SLC22A15: variants seen among roughly 807,000 people sequenced by gnomAD.
SLC22A15 encodes the protein solute carrier family 22 member 15, also known as flipt 1.
Under a neutral mutation model 62.7 loss-of-function variants are expected in SLC22A15, and 45 were observed. The observed-to-expected ratio is 0.72, with a 90% CI of 0.56 to 0.92. The LOEUF (loss-of-function observed/expected upper bound fraction) is 0.92. Ranked by LOEUF, SLC22A15 falls within the 40% of genes least tolerant of loss-of-function variation. The pLI is 0.00. For synonymous variants in SLC22A15, 264 were observed against 267.0 expected, an observed-to-expected ratio of 0.99 and a Z score of 0.11; for missense variants, 622 against 665.6, an observed-to-expected ratio of 0.93 and a Z score of 0.72.
In SLC22A15 at chr1:115,992,163, G is replaced by T. The variant is rs1003764093; in HGVS notation, c.220G>T (p.Asp74Tyr). The T allele has an allele frequency of 1.9e-6, 3 of 1,612,756 alleles. No individual in the cohort carries two copies. The highest frequency in any genetic ancestry group is 1.3e-5 in the African/African-American group (1 of 74,914). Reference protein sequence around the residue: ...QSAGEDQAFGDWLLTANGSEI... With the variant: ...QSAGEDQAFGYWLLTANGSEI... ...AGCTGGTGAAGACCAGGCCTTTGGG[G>T]ACTGGCTCCTGACAGCCAACGGCAG... Residue 74 changes from aspartate (D) to tyrosine (Y), a missense_variant, in exon 2 of 12, where the codon GAC (aspartate) becomes TAC (tyrosine). Physicochemically the swap from Asp to Tyr is radical, Grantham distance 160. Coordinates refer to ENST00000369503, the MANE Select transcript of SLC22A15 (RefSeq NM_018420.3).
chr1:115,992,179 C>T lies in SLC22A15; in HGVS notation c.236C>T (p.Ala79Val). 1.2e-6 allele frequency: 2 copies of T among 1,611,358 alleles called. No individual in the cohort carries two copies. The highest frequency in any genetic ancestry group is 1.7e-6 in the Non-Finnish European group (2 of 1,178,690). ...GCCTTTGGGGACTGGCTCCTGACAG[C>T]CAACGGCAGTGAGATCCATAAGCAC... Reference protein sequence around the residue: ...DQAFGDWLLTANGSEIHKHVH... With the variant: ...DQAFGDWLLTVNGSEIHKHVH... Residue 79 changes from alanine to valine, a missense_variant, in exon 2 of 12, where the codon GCC becomes GTC. By Grantham distance (64) the Ala-to-Val change is moderately conservative. Transcript: ENST00000369503.
At chr1:116,057,483 G>T (rs1300204739) in intron 8 of SLC22A15, among the ~76,000 whole-genome samples, 1 of 152,126 alleles carries the variant, frequency 6.6e-6, no homozygotes, top group African/African-American at 2.4e-5. Flanking sequence ...TTCAACCATT[G>T]TGGAAGTCAG....
intron 2 of SLC22A15, among the ~76,000 whole-genome samples, chr1:116,006,919 C>G (rs1342412547): frequency 6.6e-6 from 1 of 152,024 alleles, no homozygotes; most frequent in Non-Finnish European, 1.5e-5. Flanking sequence ...CTTCCTCACC[C>G]TGTCTCCCTC....
At chr1:115,987,950 G>C (rs1175917677) in intron 1 of SLC22A15, among the ~76,000 whole-genome samples, 5 of 152,110 alleles carry the variant, frequency 3.3e-5, no homozygotes, top group African/African-American at 1.2e-4. Flanking sequence ...TAATTTATAG[G>C]AGACTTTTTT....
Position 116,068,311 on chromosome 1 carries a change from A to G in SLC22A15, c.*1203A>G, listed in dbSNP as rs1377866486. The G allele has an allele frequency of 6.6e-6, 1 of 152,668 alleles. No homozygotes were observed. Among genetic ancestry groups the G allele is most frequent in the Non-Finnish European group, 1.5e-5 (1 of 68,042 alleles). The allele number at this position is 152,668 out of a possible 1,614,324, so 9.5% of individuals were successfully genotyped here. ...CAACAAGCTTAGGCAGCATTGATTT[A>G]GGTCACTTTCCCAGTGAGGAAAATT... On this transcript the variant is annotated 3_prime_UTR_variant, in exon 12 of 12. Transcript: ENST00000369503.
At chr1:116,013,297 C>T (rs1656366317) in intron 2 of SLC22A15, among the ~76,000 whole-genome samples, 2 of 152,100 alleles carry the variant, frequency 1.3e-5, no homozygotes, top group African/African-American at 4.8e-5. Context: ...TTCTTCCTTC[C>T]CGCTCCTTTT....
chr1:116,051,522 T>C (rs1017721297), intron 8 of SLC22A15, among the ~76,000 whole-genome samples: 1 of 152,184 alleles, frequency 6.6e-6, no homozygotes, highest in African/African-American at 2.4e-5. Flanking sequence ...TGTAGGAGAA[T>C]GAAATTGCAT....
chr1:116,066,844 A>G lies in SLC22A15; in HGVS notation c.1554+136A>G, dbSNP rs1658511554. ...TGGGATCTAACAGCAGCTGATTTTC[A>G]GAGAAATAAGGATGATCGATGATTC... On this transcript the variant is annotated intron_variant, in intron 11 of 11. Coordinates refer to ENST00000369503, the MANE Select transcript of SLC22A15 (RefSeq NM_018420.3). 11 of 1,003,002 alleles carry G rather than the reference A, an allele frequency of 1.1e-5. No homozygotes were observed. In the South Asian group the frequency reaches 1.7e-4, roughly 16 times the overall value. The allele number at this position is 1,003,002 out of a possible 1,614,324, so 62.1% of individuals were successfully genotyped here.
At chr1:116,044,755 AC>A (rs1407517904) in intron 8 of SLC22A15, among the ~76,000 whole-genome samples, 2 of 152,198 alleles carry the variant, frequency 1.3e-5, no homozygotes, top group Non-Finnish European at 2.9e-5. Context: ...ACTGAAATAA[AC>A]CAATGCCATT....
At chr1:116,035,126 A>T (rs17035158) in intron 6 of SLC22A15, 61 bp from the exon 7 acceptor site, 55,266 of 1,546,378 alleles carry the variant, frequency 0.036, 1,177 homozygotes, top group African/African-American at 0.089. Flanking sequence ...GCAAATTCTT[A>T]TGTACTTTTC....
chr1:116,047,574 C>T (rs1157509921), intron 8 of SLC22A15, among the ~76,000 whole-genome samples: 1 of 152,180 alleles, frequency 6.6e-6, no homozygotes, highest in East Asian at 1.9e-4. Context: ...GAGACAACCC[C>T]CAGTTCCAGC....
chr1:116,047,298 G>A (rs751009770), intron 8 of SLC22A15, among the ~76,000 whole-genome samples: 12 of 152,208 alleles, frequency 7.9e-5, no homozygotes, highest in East Asian at 1.9e-4. Flanking sequence ...ATGGTGGCAC[G>A]CAGCTGTAGT....
intron 2 of SLC22A15, among the ~76,000 whole-genome samples, chr1:116,011,566 C>T (rs1656258243): frequency 6.6e-6 from 1 of 152,194 alleles, no homozygotes; most frequent in Non-Finnish European, 1.5e-5. Flanking sequence ...TTAGTGCTGA[C>T]AGACACTGTA....
At chr1:115,979,846 A>G (rs1001627085) in intron 1 of SLC22A15, among the ~76,000 whole-genome samples, 2 of 152,110 alleles carry the variant, frequency 1.3e-5, no homozygotes, top group African/African-American at 4.8e-5. Context: ...TTATATTATA[A>G]TTTGCACAGA....
chr1:116,047,352 G>A (rs989629983), intron 8 of SLC22A15, among the ~76,000 whole-genome samples: 4 of 152,150 alleles, frequency 2.6e-5, no homozygotes, highest in African/African-American at 2.4e-5. Context: ...GCTTGAACCC[G>A]GGAGGCGGAG....
chr1:116,011,097 G>A (rs1656230202), intron 2 of SLC22A15, among the ~76,000 whole-genome samples: 1 of 152,206 alleles, frequency 6.6e-6, no homozygotes, highest in African/African-American at 2.4e-5. Flanking sequence ...CCCTGAAAAA[G>A]TCTGCCTTTT....
At chr1:116,046,213 A>G (rs1020228083) in intron 8 of SLC22A15, among the ~76,000 whole-genome samples, 4 of 152,218 alleles carry the variant, frequency 2.6e-5, no homozygotes, top group African/African-American at 9.7e-5. Flanking sequence ...TTTCTTAACT[A>G]GGACACCAAA....
At chr1:116,051,384 G>C (rs1427534724) in intron 8 of SLC22A15, among the ~76,000 whole-genome samples, 1 of 152,176 alleles carries the variant, frequency 6.6e-6, no homozygotes, top group African/African-American at 2.4e-5. Flanking sequence ...CAGTGGAACA[G>C]AATAGAGAAC....
chr1:116,035,611 G>C (rs1415675104), intron 7 of SLC22A15, among the ~76,000 whole-genome samples: 2 of 152,158 alleles, frequency 1.3e-5, no homozygotes, highest in Non-Finnish European at 2.9e-5. Flanking sequence ...GGGTTTATGA[G>C]TAGTCTGTAT....
Sources: gnomAD v4.1 joint callset for allele counts (sites outside exome capture counted in the v4.1 genomes callset) on GRCh38, gnomAD v4.1.1 for gene constraint, MANE v1.5 for transcripts, NCBI Gene and HGNC (gene_info 2026-07-23, HGNC 2026-07-21) for gene names.